The following GLIS3 variants were observed in gnomAD, a reference collection of about 807,000 sequenced individuals.
GLIS3 encodes the protein zinc finger protein GLIS3.
In GLIS3, 53 loss-of-function variants were observed where a neutral mutation model predicts 78.6. The observed-to-expected ratio is 0.67, with a 90% CI of 0.54 to 0.85. GLIS3 has a LOEUF of 0.85. GLIS3 is among the 40% of genes least tolerant of loss of function. The probability of loss-of-function intolerance (pLI) is 0.00; values close to 1 mark genes in which losing one functional copy is unlikely to be tolerated. For missense variants in GLIS3, 1,703 were observed against 1,231.1 expected (o/e 1.38, Z -5.74); for synonymous variants, 684 against 509.9 (o/e 1.34, Z -4.60).
chr9:4,014,818 A>C (rs1822308782), intron 4 of GLIS3, among the ~76,000 whole-genome samples: 3 of 152,196 alleles, frequency 2.0e-5, no homozygotes, highest in South Asian at 4.1e-4. Flanking sequence ...AGAGACTTGA[A>C]TGGCTTACCC....
rs1216533520 is a variant in GLIS3 at position 3,977,306 on chromosome 9, C to G, written c.1711-40117G>C. Among the ~76,000 whole-genome samples, 1 of 152,188 alleles carries G rather than the reference C, an allele frequency of 6.6e-6. No individual in the cohort carries two copies. The highest frequency in any genetic ancestry group is 2.4e-5 in the African/African-American group (1 of 41,442). On this transcript the variant is annotated intron_variant, in intron 4 of 10. Transcript: ENST00000381971. This position sits in a 1 kb window ranked among gnomAD's most constrained non-coding sequence, Gnocchi z 4.1. ...TAAAATGTAAGGACCGAGAGGAAAGCTCTTGGCTCTATCAGCCTTGCCATC... is the reference window on the plus strand; with the variant it reads ...TAAAATGTAAGGACCGAGAGGAAAGGTCTTGGCTCTATCAGCCTTGCCATC...
chr9:3,883,934 C>T (rs955941554), intron 7 of GLIS3, among the ~76,000 whole-genome samples: 4 of 152,230 alleles, frequency 2.6e-5, no homozygotes, highest in African/African-American at 7.2e-5. Flanking sequence ...ACTGGCCTCC[C>T]TGCTGCCATG....
chr9:4,489,734 G>A, the GLIS3 span, among the ~76,000 whole-genome samples: 1 of 152,118 alleles, frequency 6.6e-6, no homozygotes, highest in Non-Finnish European at 1.5e-5. Context: ...TCTAATCACT[G>A]CCCCAAGCCT....
intron 6 of GLIS3, among the ~76,000 whole-genome samples, chr9:3,905,352 C>G (rs186845989): frequency 9.7e-4 from 148 of 152,160 alleles, no homozygotes; most frequent in Admixed American, 8.5e-3. Flanking sequence ...GGGAAAGAAC[C>G]TGGGTAGCCA....
chr9:4,045,419 T>C (rs1825165760), intron 4 of GLIS3, among the ~76,000 whole-genome samples: 1 of 151,938 alleles, frequency 6.6e-6, no homozygotes, highest in Non-Finnish European at 1.5e-5. Context: ...CACTGCATCC[T>C]CCACCTCCCA....
At chr9:4,287,426 G>A (rs1828097409) in intron 1 of GLIS3, among the ~76,000 whole-genome samples, 1 of 152,214 alleles carries the variant, frequency 6.6e-6, no homozygotes. Flanking sequence ...ATGATGCCGG[G>A]TTGTAAATCA....
intron 2 of GLIS3, among the ~76,000 whole-genome samples, chr9:4,340,083 G>A (rs577187999): frequency 3.3e-5 from 5 of 151,692 alleles, no homozygotes; most frequent in African/African-American, 1.2e-4. Context: ...TGTCCTCACG[G>A]CTTGGCTTAG....
intron 7 of GLIS3, among the ~76,000 whole-genome samples, chr9:3,890,204 T>C (rs967233628): frequency 5.9e-5 from 9 of 152,120 alleles, no homozygotes; most frequent in African/African-American, 1.9e-4. Context: ...TAAATTCAGT[T>C]TACAAGCAGG....
chr9:4,237,882 T>G (rs969725336), intron 2 of GLIS3, among the ~76,000 whole-genome samples: 1 of 152,208 alleles, frequency 6.6e-6, no homozygotes, highest in African/African-American at 2.4e-5. Context: ...TGATGTGGCT[T>G]TAAACAACTT....
intron 4 of GLIS3, chr9:4,054,381 T>C (rs1825967374): frequency 2.0e-6 from 2 of 985,304 alleles, no homozygotes; most frequent in Non-Finnish European, 2.4e-6. Flanking sequence ...AAAACGTATT[T>C]TCCCAAGCTC....
chr9:4,371,521 C>A, the GLIS3 span, among the ~76,000 whole-genome samples: 2 of 152,176 alleles, frequency 1.3e-5, no homozygotes, highest in Non-Finnish European at 2.9e-5. Flanking sequence ...AACAGCAGTT[C>A]AGATGGTTTT....
chr9:4,330,479 C>T (rs1817668416), intron 2 of GLIS3, among the ~76,000 whole-genome samples: 1 of 152,178 alleles, frequency 6.6e-6, no homozygotes, highest in Non-Finnish European at 1.5e-5. Context: ...GCGAAAGACC[C>T]AGTCAGTCAA....
chr9:4,094,954 A>G (rs1208786268), intron 4 of GLIS3, among the ~76,000 whole-genome samples: 1 of 152,232 alleles, frequency 6.6e-6, no homozygotes, highest in Non-Finnish European at 1.5e-5. Flanking sequence ...ATGTTTCAAT[A>G]CATGTAATAC....
At chr9:4,082,685 G>C (rs1828657914) in intron 4 of GLIS3, among the ~76,000 whole-genome samples, 1 of 152,188 alleles carries the variant, frequency 6.6e-6, no homozygotes, top group African/African-American at 2.4e-5. Context: ...AGTGGGTCAA[G>C]ATGAACCCTG....
At chr9:4,186,556 T>A (rs1385172762) in intron 2 of GLIS3, among the ~76,000 whole-genome samples, 1 of 151,618 alleles carries the variant, frequency 6.6e-6, no homozygotes, top group Non-Finnish European at 1.5e-5. Context: ...TAGTTCTAGA[T>A]CCCTGAGGAA....
intron 6 of GLIS3, among the ~76,000 whole-genome samples, chr9:3,928,711 A>G (rs1451307476): frequency 6.6e-6 from 1 of 152,184 alleles, no homozygotes; most frequent in Non-Finnish European, 1.5e-5. Flanking sequence ...ATTCGCGCCC[A>G]TTTCAAATGC....
intron 4 of GLIS3, among the ~76,000 whole-genome samples, chr9:4,090,250 G>A (rs1829384346): frequency 6.6e-6 from 1 of 152,122 alleles, no homozygotes; most frequent in Non-Finnish European, 1.5e-5. Context: ...CCTTAGTGCT[G>A]CCTTCCTGCC....
At chr9:4,228,168 T>G (rs1391579696) in intron 2 of GLIS3, among the ~76,000 whole-genome samples, 1 of 87,054 alleles carries the variant, frequency 1.1e-5, no homozygotes, top group East Asian at 2.8e-4. Flanking sequence ...AAGGGTAAAG[T>G]AGAAATTCAT....
At chr9:4,446,786 C>T in the GLIS3 span, among the ~76,000 whole-genome samples, 1 of 151,526 alleles carries the variant, frequency 6.6e-6, no homozygotes, top group Non-Finnish European at 1.5e-5. Context: ...GCTGGGATTA[C>T]AGGCATGAGC....
Sources: gnomAD v4.1 joint callset for allele counts (sites outside exome capture counted in the v4.1 genomes callset) on GRCh38, gnomAD v4.1.1 for gene constraint, Gnocchi (gnomAD v3.1) non-coding constraint, MANE v1.5 for transcripts, NCBI Gene and HGNC (gene_info 2026-07-23, HGNC 2026-07-21) for gene names.